The following SMURF2 variants were observed in gnomAD, a reference collection of about 807,000 sequenced individuals.
SMURF2 encodes SMAD specific E3 ubiquitin protein ligase 2, also known as E3 ubiquitin-protein ligase SMURF2.
SMURF2 carries 48 observed loss-of-function variants against 109.6 expected under a neutral mutation model. The ratio of observed to expected loss-of-function variants is 0.44; its 90% confidence interval spans 0.35 to 0.56. SMURF2 has a LOEUF of 0.56. Ranked by LOEUF, SMURF2 falls within the 20% of genes least tolerant of loss-of-function variation. SMURF2 has a pLI of 0.01. For synonymous variants in SMURF2, 288 were observed against 317.1 expected, an observed-to-expected ratio of 0.91 and a Z score of 0.97; for missense variants, 575 against 909.0, an observed-to-expected ratio of 0.63 and a Z score of 4.72.
intron 1 of SMURF2, among the ~76,000 whole-genome samples, chr17:64,644,375 A>G (rs1970530434): frequency 1.3e-5 from 2 of 151,626 alleles, no homozygotes; most frequent in South Asian, 4.2e-4. Flanking sequence ...AATTGAGCTC[A>G]GGAGTTTGAG....
chr17:64,654,587 T>G (rs896490824), intron 1 of SMURF2, among the ~76,000 whole-genome samples: 2 of 151,864 alleles, frequency 1.3e-5, no homozygotes, highest in African/African-American at 2.4e-5. Flanking sequence ...CCCAGCACTT[T>G]GGGAGGCCGA....
At chr17:64,626,272 A>AC (rs1970268254) in intron 1 of SMURF2, among the ~76,000 whole-genome samples, 1 of 151,784 alleles carries the variant, frequency 6.6e-6, no homozygotes, top group East Asian at 1.9e-4. Context: ...AAAAAAAAAA[A>AC]AACAAAAAAC....
chr17:64,550,777 A>AG (rs1969033848), intron 16 of SMURF2, among the ~76,000 whole-genome samples: 1 of 142,034 alleles, frequency 7.0e-6, no homozygotes, highest in South Asian at 2.1e-4. Flanking sequence ...AAAAAAAAAA[A>AG]GAGAGAGACA....
intron 18 of SMURF2, 143 bp from the exon 19 acceptor site, chr17:64,546,090 G>T: frequency 1.1e-6 from 1 of 877,952 alleles, no homozygotes; most frequent in Non-Finnish European, 1.8e-6. Context: ...GACCACTTTT[G>T]GGTTTTCCTA....
rs1568203019 is a variant in SMURF2, at chr17:64,631,320, GAGAGAGAC to G, written c.53-24688_53-24681del. ...AGAGAGAGAGAGAGAGAGAGAGAGA[GAGAGAGAC>G]AGAGAGAGAGAGACAGAGAGATGAA... On this transcript the variant is annotated intron_variant, in intron 1 of 18. Coordinates refer to ENST00000262435, the MANE Select transcript of SMURF2 (RefSeq NM_022739.4). Among the ~76,000 whole-genome samples, 66 of 122,442 alleles carry G rather than the reference GAGAGAGAC, an allele frequency of 5.4e-4. 2 individuals carry two copies. The highest frequency in any genetic ancestry group is 1.9e-3 in the African/African-American group (53 of 28,410). The allele number at this position is 122,442 out of a possible 152,430, so 80.3% of individuals were successfully genotyped here.
At chr17:64,632,511 AAG>A (rs1318203288) in intron 1 of SMURF2, among the ~76,000 whole-genome samples, 3 of 152,208 alleles carry the variant, frequency 2.0e-5, no homozygotes, top group African/African-American at 7.2e-5. Flanking sequence ...AGCTGTGGGA[AAG>A]AGAGATGGGC....
intron 10 of SMURF2, among the ~76,000 whole-genome samples, chr17:64,566,817 A>T (rs1299777902): frequency 2.0e-5 from 3 of 149,224 alleles, no homozygotes; most frequent in Non-Finnish European, 4.4e-5. Context: ...TGATCCACCC[A>T]CCTCGGCCTC....
At chr17:64,616,939 G>A (rs1020002253) in intron 1 of SMURF2, among the ~76,000 whole-genome samples, 15 of 150,504 alleles carry the variant, frequency 1.0e-4, no homozygotes, top group Admixed American at 4.6e-4. Context: ...AAAATAGCCC[G>A]GCATGGTGGT....
At chr17:64,625,709 G>A (rs2144701138) in intron 1 of SMURF2, among the ~76,000 whole-genome samples, 1 of 152,248 alleles carries the variant, frequency 6.6e-6, no homozygotes, top group Non-Finnish European at 1.5e-5. Flanking sequence ...TAACTCCAGA[G>A]TTCCTAATTC....
At chr17:64,601,739 AC>A (rs1969899473) in intron 2 of SMURF2, among the ~76,000 whole-genome samples, 1 of 152,080 alleles carries the variant, frequency 6.6e-6, no homozygotes, top group South Asian at 2.1e-4. Flanking sequence ...CGAAAAAGAT[AC>A]TTGCACACGC....
intron 13 of SMURF2, among the ~76,000 whole-genome samples, chr17:64,556,725 A>G (rs1036301976): frequency 6.6e-6 from 1 of 151,942 alleles, no homozygotes; most frequent in Non-Finnish European, 1.5e-5. Context: ...CAAATCTAAC[A>G]TTTCTACCCT....
chr17:64,581,579 T>A lies in SMURF2; in HGVS notation c.570-588A>T, dbSNP rs923142115. Among the ~76,000 whole-genome samples, 13 of 152,282 alleles carry A rather than the reference T, an allele frequency of 8.5e-5. No individual in the cohort carries two copies. The East Asian group carries it at 2.5e-3, about 29-fold the overall frequency. ...ACATCACAAAAGGAAAGAAGACAGT[T>A]TGTCTCTTTAAGGGGCTTCCAGTCT... On this transcript the variant is annotated intron_variant, in intron 7 of 18. Transcript: ENST00000262435. The surrounding 1 kb of genome is among the most constrained non-coding windows in gnomAD (Gnocchi z 4.3).
chr17:64,571,701 G>T, intron 10 of SMURF2, 97 bp downstream of exon 10: 1 of 1,290,004 alleles, frequency 7.8e-7, no homozygotes, highest in Non-Finnish European at 1.1e-6. Context: ...TTAAAGGCGT[G>T]AGCCACTGTA....
chr17:64,592,111 T>C (rs2144654422), intron 4 of SMURF2, among the ~76,000 whole-genome samples: 1 of 152,318 alleles, frequency 6.6e-6, no homozygotes, highest in African/African-American at 2.4e-5. Context: ...CCTCCTCTCC[T>C]ATTCAGTCCT....
chr17:64,545,067 G>GT lies in SMURF2; in HGVS notation c.*780dup, dbSNP rs879961832. 1,493 of 145,208 alleles carry GT rather than the reference G, an allele frequency of 0.01. 13 individuals are homozygous for GT. The highest frequency in any genetic ancestry group is 0.03 in the African/African-American group (1,187 of 40,044). 9.0% of individuals were successfully genotyped at this position (145,208 alleles called of 1,614,324 possible). A position where few individuals can be genotyped will look rare whatever the true frequency, so the allele number is the denominator to read the frequency against. ...TATTGACTCAAGATAAAAACATTAGGTTTTTTTTTTTTTAAAAGAGTCTCT... is the reference window on the plus strand; with the variant it reads ...TATTGACTCAAGATAAAAACATTAGGTTTTTTTTTTTTTTAAAAGAGTCTCT... On this transcript the variant is annotated 3_prime_UTR_variant, in exon 19 of 19. Transcript: ENST00000262435.
intron 13 of SMURF2, among the ~76,000 whole-genome samples, chr17:64,556,407 A>C (rs2144595955): frequency 6.6e-6 from 1 of 152,204 alleles, no homozygotes; most frequent in East Asian, 1.9e-4. Flanking sequence ...ACATCAAAAC[A>C]CCATAGATTT....
chr17:64,580,743 T>A, intron 8 of SMURF2, 46 bp downstream of exon 8: 1 of 1,563,260 alleles, frequency 6.4e-7, no homozygotes, highest in Non-Finnish European at 8.8e-7. Context: ...CTCAGCAAAC[T>A]GAAATCAGTA....
chr17:64,562,285 CAAAAAAA>C (rs782461489), intron 11 of SMURF2, among the ~76,000 whole-genome samples: 8 of 19,008 alleles, frequency 4.2e-4, no homozygotes, highest in East Asian at 5.2e-3. Flanking sequence ...GACTCCGTCT[CAAAAAAA>C]AAAAAAAAAA....
chr17:64,649,653 G>C (rs1442216213), intron 1 of SMURF2, among the ~76,000 whole-genome samples: 3 of 144,654 alleles, frequency 2.1e-5, no homozygotes, highest in Admixed American at 7.7e-5. Context: ...AAACAACCTG[G>C]CCAACATGGT....
Sources: gnomAD v4.1 joint callset for allele counts (sites outside exome capture counted in the v4.1 genomes callset) on GRCh38, gnomAD v4.1.1 for gene constraint, Gnocchi (gnomAD v3.1) non-coding constraint, MANE v1.5 for transcripts, NCBI Gene and HGNC (gene_info 2026-07-23, HGNC 2026-07-21) for gene names.